The following PDGFRL variants were observed in gnomAD, a reference collection of about 807,000 sequenced individuals.
PDGFRL encodes the protein platelet derived growth factor receptor like.
In PDGFRL, 46 loss-of-function variants were observed where a neutral mutation model predicts 37.2. The observed-to-expected ratio is 1.24, with a 90% confidence interval of 0.98 to 1.58. PDGFRL has a LOEUF of 1.58. Among genes scored for constraint, PDGFRL ranks in the 40% most tolerant of loss-of-function variants. The probability of loss-of-function intolerance (pLI) is 0.00; values close to 1 mark genes in which losing one functional copy is unlikely to be tolerated. For missense variants in PDGFRL, 692 were observed against 467.6 expected (o/e 1.48, Z -4.43); for synonymous variants, 251 against 184.3 (o/e 1.36, Z -2.93).
intron 4 of PDGFRL, among the ~76,000 whole-genome samples, chr8:17,629,829 C>G (rs1302643270): frequency 6.6e-6 from 1 of 152,132 alleles, no homozygotes; most frequent in African/African-American, 2.4e-5. Flanking sequence ...CTTGTACTTT[C>G]CCAGGATTCT....
chr8:17,614,559 A>C (rs1804486066), intron 2 of PDGFRL, among the ~76,000 whole-genome samples: 1 of 152,168 alleles, frequency 6.6e-6, no homozygotes, highest in Non-Finnish European at 1.5e-5. Context: ...ATGTAGAATA[A>C]GGAGGATATT....
intron 4 of PDGFRL, among the ~76,000 whole-genome samples, chr8:17,629,818 G>A (rs1266899769): frequency 6.6e-6 from 1 of 152,092 alleles, no homozygotes; most frequent in African/African-American, 2.4e-5. Context: ...AGTGACACAG[G>A]CTTGTACTTT....
chr8:17,579,565 A>G (rs1001983483), intron 1 of PDGFRL, among the ~76,000 whole-genome samples: 1 of 148,692 alleles, frequency 6.7e-6, no homozygotes, highest in Non-Finnish European at 1.5e-5. Context: ...TGTTATTATT[A>G]TTATTATTAT....
intron 4 of PDGFRL, among the ~76,000 whole-genome samples, chr8:17,629,280 G>A (rs1040528686): frequency 6.6e-6 from 1 of 151,938 alleles, no homozygotes; most frequent in Admixed American, 6.6e-5. Flanking sequence ...CTTCTAGGAT[G>A]GATGTTCTCC....
At chr8:17,617,206 G>C (rs1804547104) in intron 2 of PDGFRL, among the ~76,000 whole-genome samples, 1 of 152,184 alleles carries the variant, frequency 6.6e-6, no homozygotes, top group South Asian at 2.1e-4. Flanking sequence ...GATCTCTGTG[G>C]GTCAGGGCTA....
chr8:17,611,405 G>A (rs1269230649), intron 2 of PDGFRL, among the ~76,000 whole-genome samples: 1 of 152,224 alleles, frequency 6.6e-6, no homozygotes, highest in Non-Finnish European at 1.5e-5. Context: ...AACTGGTAGA[G>A]GCAGGATTTG....
chr8:17,610,904 G>A (rs2517207), intron 2 of PDGFRL, among the ~76,000 whole-genome samples: 7,862 of 150,918 alleles, frequency 0.052, 353 homozygotes, highest in African/African-American at 0.12. Flanking sequence ...GTGAGATTCC[G>A]TCTCAAAAAA....
intron 5 of PDGFRL, among the ~76,000 whole-genome samples, chr8:17,639,733 A>C (rs538363986): frequency 6.6e-6 from 1 of 152,298 alleles, no homozygotes; most frequent in Admixed American, 6.5e-5. Flanking sequence ...TTCGCTTTAG[A>C]TAACCTGATG....
chr8:17,616,680 G>A (rs891160523), intron 2 of PDGFRL, among the ~76,000 whole-genome samples: 4 of 152,096 alleles, frequency 2.6e-5, no homozygotes, highest in African/African-American at 9.7e-5. Context: ...TGGCCTAGAG[G>A]CTCTTGCTGG....
At chr8:17,617,243 CAG>C (rs1271779364) in intron 2 of PDGFRL, among the ~76,000 whole-genome samples, 2 of 152,116 alleles carry the variant, frequency 1.3e-5, no homozygotes, top group Non-Finnish European at 2.9e-5. Flanking sequence ...AAGAAAAGGC[CAG>C]AGGCAAGCTG....
intron 3 of PDGFRL, among the ~76,000 whole-genome samples, chr8:17,621,546 G>C (rs117141303): frequency 6.6e-6 from 1 of 151,792 alleles, no homozygotes; most frequent in Non-Finnish European, 1.5e-5. Context: ...TCCCCAATAC[G>C]GTGACCACTA....
At chr8:17,641,784 G>C (rs139925540) in intron 5 of PDGFRL, among the ~76,000 whole-genome samples, 1 of 151,856 alleles carries the variant, frequency 6.6e-6, no homozygotes, top group Non-Finnish European at 1.5e-5. Flanking sequence ...GCTGTGATTG[G>C]TAGAAAATAA....
intron 1 of PDGFRL, among the ~76,000 whole-genome samples, chr8:17,583,888 A>C (rs2150808637): frequency 6.6e-6 from 1 of 152,282 alleles, no homozygotes; most frequent in African/African-American, 2.4e-5. Flanking sequence ...GGCCCTCACC[A>C]GATGCCCAGT....
At chr8:17,626,804 C>T (rs1466198742) in intron 3 of PDGFRL, among the ~76,000 whole-genome samples, 1 of 152,160 alleles carries the variant, frequency 6.6e-6, no homozygotes, top group Non-Finnish European at 1.5e-5. Flanking sequence ...TCTTGCCTGT[C>T]CTAAGGACAG....
chr8:17,609,009 G>C (rs932409322), intron 2 of PDGFRL, among the ~76,000 whole-genome samples: 1 of 152,094 alleles, frequency 6.6e-6, no homozygotes. Flanking sequence ...ACTTGAGCCC[G>C]GGAGTTTGAG....
intron 4 of PDGFRL, among the ~76,000 whole-genome samples, chr8:17,633,852 G>A (rs550522299): frequency 6.6e-6 from 1 of 152,244 alleles, no homozygotes; most frequent in African/African-American, 2.4e-5. Context: ...GGCTGTCCTG[G>A]GAGTCCTGGT....
chr8:17,612,990 A>T (rs900867470), intron 2 of PDGFRL, among the ~76,000 whole-genome samples: 4 of 152,224 alleles, frequency 2.6e-5, no homozygotes, highest in South Asian at 2.1e-4. Flanking sequence ...AAAATATTCA[A>T]ACTCTTTCAT....
chr8:17,595,269 C>T (rs1455650117), intron 2 of PDGFRL, among the ~76,000 whole-genome samples: 1 of 152,128 alleles, frequency 6.6e-6, no homozygotes, highest in Admixed American at 6.5e-5. Context: ...TGCCCACCAT[C>T]CCCTCAACCA....
intron 2 of PDGFRL, among the ~76,000 whole-genome samples, chr8:17,595,979 G>T (rs564303738): frequency 6.6e-6 from 1 of 152,340 alleles, no homozygotes; most frequent in East Asian, 1.9e-4. Context: ...TGAAACCTGG[G>T]AGTCCTCAAC....
Sources: allele counts gnomAD v4.1 joint callset (sites outside exome capture counted in the v4.1 genomes callset), GRCh38; gene constraint gnomAD v4.1.1; transcripts MANE v1.5; gene names NCBI Gene and HGNC (gene_info 2026-07-23, HGNC 2026-07-21).